Variants in COL25A1 observed in about 807,000 individuals in gnomAD.
The protein encoded by COL25A1 is collagen type XXV alpha 1 chain.
COL25A1 carries 103 observed loss-of-function variants against 128.4 expected under a neutral mutation model. The observed-to-expected ratio is 0.80, with a 90% CI of 0.68 to 0.94. COL25A1 has a LOEUF of 0.94. Ranked by LOEUF, COL25A1 falls within the 40% of genes least tolerant of loss-of-function variation. COL25A1 has a pLI of 0.00. For missense variants in COL25A1, 745 were observed against 840.0 expected (o/e 0.89, Z 1.40); for synonymous variants, 279 against 277.2 (o/e 1.01, Z -0.06).
chr4:109,109,194 T>C (rs1766749414), intron 3 of COL25A1, among the ~76,000 whole-genome samples: 1 of 152,136 alleles, frequency 6.6e-6, no homozygotes, highest in Non-Finnish European at 1.5e-5. Context: ...GTTCAAGCTA[T>C]TCCAGTGCCT....
chr4:109,074,821 T>C (rs1469331047), intron 3 of COL25A1, among the ~76,000 whole-genome samples: 1 of 152,200 alleles, frequency 6.6e-6, no homozygotes, highest in Non-Finnish European at 1.5e-5. Context: ...TTTTAGTTAC[T>C]AGAGTGCCAT....
intron 9 of COL25A1, 56 bp from the exon 10 acceptor site, chr4:108,940,702 C>G (rs937976732): frequency 1.7e-6 from 2 of 1,176,438 alleles, no homozygotes; most frequent in East Asian, 4.9e-5. Context: ...AGACCCAGGT[C>G]TTCTTTTCAG....
At chr4:109,127,381 A>G (rs113412853) in intron 3 of COL25A1, among the ~76,000 whole-genome samples, 6 of 152,214 alleles carry the variant, frequency 3.9e-5, no homozygotes, top group African/African-American at 1.4e-4. Flanking sequence ...ATGCAACAGT[A>G]TGCCAAAGTA....
chr4:109,110,312 C>T (rs1437387472), intron 3 of COL25A1, among the ~76,000 whole-genome samples: 1 of 152,136 alleles, frequency 6.6e-6, no homozygotes, highest in African/African-American at 2.4e-5. Flanking sequence ...CTCTGGAGTG[C>T]TTACGTTCTT....
intron 6 of COL25A1, among the ~76,000 whole-genome samples, chr4:108,992,903 C>T (rs1754363396): frequency 1.3e-5 from 2 of 151,702 alleles, no homozygotes; most frequent in South Asian, 4.1e-4. Flanking sequence ...AGTCTCAAGT[C>T]AAGGCTAAAT....
At position 108,852,898 on chromosome 4, in the gene COL25A1, T is replaced by A; in HGVS notation, c.1344+4A>T. The A allele has an allele frequency of 6.2e-7, 1 of 1,609,684 alleles. No homozygotes were observed. Among genetic ancestry groups the A allele is most frequent in the Non-Finnish European group, 8.5e-7 (1 of 1,178,010 alleles). On this transcript the variant is annotated splice_donor_region_variant and intron_variant, in intron 25 of 37. Coordinates refer to ENST00000399132, the MANE Select transcript of COL25A1 (RefSeq NM_198721.4). ...AACCACAGAAAGCATGCAATAGGAG[T>A]TACCGTGACAGTTAAGGTGGTAATC...
chr4:109,080,802 T>C (rs1763770296), intron 3 of COL25A1, among the ~76,000 whole-genome samples: 1 of 152,188 alleles, frequency 6.6e-6, no homozygotes, highest in South Asian at 2.1e-4. Context: ...CTAGATATAT[T>C]CCTTCCTTTC....
At chr4:109,131,463 C>T (rs1457611477) in intron 3 of COL25A1, among the ~76,000 whole-genome samples, 4 of 152,178 alleles carry the variant, frequency 2.6e-5, no homozygotes, top group African/African-American at 7.2e-5. Flanking sequence ...CACTGCCTTA[C>T]TCAATCAGAT....
At chr4:109,199,737 G>A (rs891546950) in intron 3 of COL25A1, among the ~76,000 whole-genome samples, 1 of 152,136 alleles carries the variant, frequency 6.6e-6, no homozygotes, top group Non-Finnish European at 1.5e-5. Flanking sequence ...AAGCCAGCAT[G>A]GTCATGGGAC....
intron 3 of COL25A1, among the ~76,000 whole-genome samples, chr4:109,206,064 A>G (rs1776958960): frequency 6.6e-6 from 1 of 152,134 alleles, no homozygotes; most frequent in Non-Finnish European, 1.5e-5. Flanking sequence ...AATCTTTTTC[A>G]TTCATAGTCC....
chr4:108,906,879 G>A (rs1419892855), intron 13 of COL25A1, among the ~76,000 whole-genome samples: 4 of 152,130 alleles, frequency 2.6e-5, no homozygotes, highest in Non-Finnish European at 5.9e-5. Flanking sequence ...ATGAATATAG[G>A]AGAATCAAAT....
chr4:109,285,383 A>T (rs1332575370), intron 3 of COL25A1, among the ~76,000 whole-genome samples: 1 of 152,218 alleles, frequency 6.6e-6, no homozygotes, highest in South Asian at 2.1e-4. Flanking sequence ...GATAATCATA[A>T]ATTCAATGAC....
intron 3 of COL25A1, among the ~76,000 whole-genome samples, chr4:109,157,088 G>A (rs2704113): frequency 0.66 from 100,371 of 152,000 alleles, 33,417 homozygotes; most frequent in East Asian, 0.75. Context: ...CTGACAGTCA[G>A]TTGCCTTCCA....
At chr4:109,071,008 A>T (rs929128283) in intron 3 of COL25A1, among the ~76,000 whole-genome samples, 1 of 152,120 alleles carries the variant, frequency 6.6e-6, no homozygotes, top group African/African-American at 2.4e-5. Flanking sequence ...AAGCCAAAAG[A>T]ATAAAGCTGG....
At chr4:109,216,023 C>T (rs1777951253) in intron 3 of COL25A1, among the ~76,000 whole-genome samples, 1 of 152,098 alleles carries the variant, frequency 6.6e-6, no homozygotes, top group African/African-American at 2.4e-5. Context: ...ACCTCTCACC[C>T]ACATGCCATC....
At chr4:108,824,100 T>A (rs1447144818) in intron 35 of COL25A1, 74 bp downstream of exon 35, 1 of 1,613,798 alleles carries the variant, frequency 6.2e-7, no homozygotes, top group South Asian at 1.1e-5. Flanking sequence ...TCAAATGGAA[T>A]CACACAAGCT....
chr4:108,924,108 G>A (rs1019737359), intron 11 of COL25A1, among the ~76,000 whole-genome samples: 1 of 152,102 alleles, frequency 6.6e-6, no homozygotes, highest in East Asian at 1.9e-4. Context: ...TTTAAATACA[G>A]GTTCTGGGTG....
Position 109,301,923 on chromosome 4 carries a change from G to A in COL25A1, c.97C>T (p.Pro33Ser). ...AGGAGGGCCGCCAGGACGGCACACG[G>A]GGGCATGGTCCGGGCACAATGCTGT... The part of the protein sequence containing the change: ...AEQHCARTMP[P>S]CAVLAALLSV... The change falls in exon 2 of 38, where the codon CCG becomes TCG. Residue 33 changes from proline to serine, a missense_variant. By Grantham distance (74) the Pro-to-Ser change is moderately conservative (BLOSUM62 -1). This residue lies in a region of COL25A1 where 319 missense variants were observed against 324.9 expected (regional missense o/e 0.98). Transcript: ENST00000399132. 6.2e-7 allele frequency: 1 copy of A among 1,614,040 alleles called. No homozygotes were observed. The highest frequency in any genetic ancestry group is 2.2e-5 in the East Asian group (1 of 44,872).
intron 31 of COL25A1, among the ~76,000 whole-genome samples, chr4:108,840,499 C>T (rs749021539): frequency 6.6e-6 from 1 of 152,118 alleles, no homozygotes; most frequent in African/African-American, 2.4e-5. Context: ...TGGGTGTCAC[C>T]TGCCTGACTG....
Sources: gnomAD v4.1 joint callset for allele counts (sites outside exome capture counted in the v4.1 genomes callset) on GRCh38, gnomAD v4.1.1 for gene constraint, gnomAD v4.1.1 regional missense constraint, MANE v1.5 for transcripts, NCBI Gene and HGNC (gene_info 2026-07-23, HGNC 2026-07-21) for gene names.